Variants in MERTK observed in about 807,000 individuals in gnomAD.
MERTK encodes the protein MER proto-oncogene, tyrosine kinase.
In MERTK, 69 loss-of-function variants were observed where a neutral mutation model predicts 99.3. That is an observed-to-expected ratio of 0.70 (90% CI 0.57 to 0.85). The LOEUF (loss-of-function observed/expected upper bound fraction) is 0.85. MERTK is among the 40% of genes least tolerant of loss of function. The pLI is 0.00. For missense variants in MERTK, 1,125 were observed against 1,249.4 expected, an observed-to-expected ratio of 0.90 and a Z score of 1.50; for synonymous variants, 426 against 467.6, an observed-to-expected ratio of 0.91 and a Z score of 1.15.
rs1454252682 is a variant in MERTK at position 111,929,331 on chromosome 2, A to G, written c.273A>G (p.Leu91=). The G allele has an allele frequency of 1.9e-6, 3 of 1,614,138 alleles. No homozygotes were observed. Among genetic ancestry groups the G allele is most frequent in the Admixed American group, 1.7e-5 (1 of 60,012 alleles). Residue 91 remains leucine, a synonymous_variant, in exon 2 of 19, where the codon CTA becomes CTG. Transcript: ENST00000295408. ...PQVTSVESKP[L]PPLAFKHTVG... is the part of the protein sequence containing the mutation. ...TGACCTCTGTCGAATCAAAGCCCCT[A>G]CCGCCTCTTGCCTTCAAACACACAG...
At position 112,028,346 on chromosome 2, in the gene MERTK, T is replaced by A; in HGVS notation, c.2487-5T>A. 1 of 1,614,142 alleles carries A rather than the reference T, an allele frequency of 6.2e-7. No individual in the cohort carries two copies. Among genetic ancestry groups the A allele is most frequent in the Non-Finnish European group, 8.5e-7 (1 of 1,179,964 alleles). ...GGAGACAATCCACTTCTTTTTAACT[T>A]TCAGGTATGAAATAATGTACTCTTG... On this transcript the variant is annotated splice_polypyrimidine_tract_variant and splice_region_variant and intron_variant, in intron 18 of 18. Coordinates refer to ENST00000295408, the MANE Select transcript of MERTK (RefSeq NM_006343.3).
At chr2:111,971,289 T>C (rs1283857987) in intron 6 of MERTK, among the ~76,000 whole-genome samples, 1 of 152,100 alleles carries the variant, frequency 6.6e-6, no homozygotes, top group African/African-American at 2.4e-5. Context: ...TGAATTTTTT[T>C]CTATTGTTTT....
At chr2:111,938,263 T>TG (rs1684798327) in intron 2 of MERTK, among the ~76,000 whole-genome samples, 1 of 104,788 alleles carries the variant, frequency 9.5e-6, no homozygotes, top group Non-Finnish European at 2.1e-5. Flanking sequence ...GTTTGTTGTT[T>TG]GTTTTTTTGT....
chr2:112,023,286 C>T (rs953705133), intron 18 of MERTK, among the ~76,000 whole-genome samples: 8 of 151,942 alleles, frequency 5.3e-5, no homozygotes, highest in Admixed American at 1.3e-4. Context: ...TGGTGGCGGG[C>T]GCCTGTAGTC....
At chr2:111,970,107 C>G (rs1029891408) in intron 6 of MERTK, among the ~76,000 whole-genome samples, 1 of 151,198 alleles carries the variant, frequency 6.6e-6, no homozygotes, top group African/African-American at 2.4e-5. Flanking sequence ...CAGGAATGGT[C>G]TTTTTTGTGA....
chr2:111,923,955 T>C lies in MERTK; in HGVS notation c.62-5165T>C, dbSNP rs538625113. Among the ~76,000 whole-genome samples, 9 of 152,318 alleles carry C rather than the reference T, an allele frequency of 5.9e-5. No individual in the cohort carries two copies. The South Asian group carries it at 1.2e-3, about 21-fold the overall frequency. On this transcript the variant is annotated intron_variant, in intron 1 of 18. Coordinates refer to ENST00000295408, the MANE Select transcript of MERTK (RefSeq NM_006343.3). ...AATGGTTTTTGTTTTGGCTTTTTTT[T>C]CTTCACATTTTGTATAATCACCCAG...
intron 3 of MERTK, 24 bp downstream of exon 3, chr2:111,945,084 A>G (rs753018141): frequency 1.3e-6 from 2 of 1,563,628 alleles, no homozygotes; most frequent in Non-Finnish European, 1.8e-6. Context: ...CCAGAGTCCC[A>G]TTGCCAGAGA....
At chr2:111,951,334 T>G (rs1685050889) in intron 4 of MERTK, among the ~76,000 whole-genome samples, 2 of 152,012 alleles carry the variant, frequency 1.3e-5, no homozygotes, top group East Asian at 3.9e-4. Flanking sequence ...CCACCCACCC[T>G]TTTAAACCAC....
At chr2:111,927,707 C>G (rs1025213678) in intron 1 of MERTK, among the ~76,000 whole-genome samples, 3 of 152,148 alleles carry the variant, frequency 2.0e-5, no homozygotes, top group Non-Finnish European at 4.4e-5. Flanking sequence ...ATCTGAAATT[C>G]AAGCTTAACT....
At chr2:111,992,419 C>T (rs574435324) in intron 8 of MERTK, among the ~76,000 whole-genome samples, 4 of 152,100 alleles carry the variant, frequency 2.6e-5, no homozygotes, top group Non-Finnish European at 2.9e-5. Context: ...GTGCCTTGCC[C>T]TGTATAGCTC....
intron 8 of MERTK, among the ~76,000 whole-genome samples, chr2:111,983,487 G>C (rs1011039794): frequency 5.9e-5 from 9 of 152,232 alleles, no homozygotes; most frequent in Non-Finnish European, 1.2e-4. Flanking sequence ...GGAGGAGACC[G>C]AGCAAGCTCT....
At chr2:111,976,646 G>A (rs1478145716) in intron 7 of MERTK, among the ~76,000 whole-genome samples, 3 of 150,510 alleles carry the variant, frequency 2.0e-5, no homozygotes, top group South Asian at 2.1e-4. Flanking sequence ...AAATGTAATC[G>A]AATCATTCAA....
intron 1 of MERTK, among the ~76,000 whole-genome samples, chr2:111,919,967 C>T (rs1684424189): frequency 6.6e-6 from 1 of 151,928 alleles, no homozygotes; most frequent in African/African-American, 2.4e-5. Flanking sequence ...GTGCCAGGTC[C>T]CTGTTTGCCC....
At chr2:111,948,462 C>T (rs1030781231) in intron 4 of MERTK, among the ~76,000 whole-genome samples, 1 of 152,250 alleles carries the variant, frequency 6.6e-6, no homozygotes, top group South Asian at 2.1e-4. Flanking sequence ...CCAGCCCAGA[C>T]CCCTCTCCTG....
chr2:111,898,638 A>G lies in MERTK; in HGVS notation c.-98A>G, dbSNP rs1683970120. The G allele has an allele frequency of 5.2e-6, 7 of 1,352,224 alleles. No individual in the cohort carries two copies. Among genetic ancestry groups the G allele is most frequent in the Non-Finnish European group, 7.1e-6 (7 of 982,076 alleles). The allele number at this position is 1,352,224 out of a possible 1,614,324, so 83.8% of individuals were successfully genotyped here. ...CACTCACTGCCCGGGCCGCCCGGAC[A>G]GGGAGCTTCGCTGGCGCGCTTGGCC... On this transcript the variant is annotated 5_prime_UTR_variant, in exon 1 of 19. Coordinates refer to ENST00000295408, the MANE Select transcript of MERTK (RefSeq NM_006343.3).
chr2:111,935,098 G>A (rs948253165), intron 2 of MERTK, among the ~76,000 whole-genome samples: 3 of 152,142 alleles, frequency 2.0e-5, no homozygotes, highest in Admixed American at 6.5e-5. Context: ...ACATTCACTG[G>A]TGATGTCATT....
At chr2:112,021,304 T>G (rs878947585) in intron 16 of MERTK, 118 bp from the exon 17 acceptor site, 66 of 1,420,064 alleles carry the variant, frequency 4.6e-5, no homozygotes, top group East Asian at 2.3e-5. Context: ...CACAGGCTGG[T>G]GGTGTCTCTG....
At chr2:111,953,648 T>TG (rs1685095974) in intron 4 of MERTK, among the ~76,000 whole-genome samples, 1 of 152,194 alleles carries the variant, frequency 6.6e-6, no homozygotes, top group African/African-American at 2.4e-5. Context: ...TGATCTCTGC[T>TG]TATCGCAACC....
chr2:111,902,318 G>A (rs891800101), intron 1 of MERTK, among the ~76,000 whole-genome samples: 4 of 152,204 alleles, frequency 2.6e-5, no homozygotes, highest in African/African-American at 9.6e-5. Context: ...ACATGCTGCT[G>A]GGTAGAAAAA....
Sources: allele counts gnomAD v4.1 joint callset (sites outside exome capture counted in the v4.1 genomes callset), GRCh38; gene constraint gnomAD v4.1.1; transcripts MANE v1.5; gene names NCBI Gene and HGNC (gene_info 2026-07-23, HGNC 2026-07-21).